The following MTUS2 variants were observed in gnomAD, a reference collection of about 807,000 sequenced individuals.
MTUS2 encodes microtubule-associated tumor suppressor candidate 2.
A neutral mutation model predicts 114.1 loss-of-function variants in MTUS2; 40 were observed. The ratio of observed to expected loss-of-function variants is 0.35; its 90% CI spans 0.27 to 0.46. The LOEUF (loss-of-function observed/expected upper bound fraction) is 0.46. MTUS2 is among the 20% of genes least tolerant of loss of function. The pLI, the probability that MTUS2 is intolerant of heterozygous loss-of-function variation, is 1.00. For missense variants in MTUS2, 1,679 were observed against 1,705.4 expected (o/e 0.98, Z 0.27); for synonymous variants, 688 against 672.0 (o/e 1.02, Z -0.37).
chr13:28,837,389 C>T (rs1267225381), intron 1 of MTUS2, among the ~76,000 whole-genome samples: 1 of 152,192 alleles, frequency 6.6e-6, no homozygotes, highest in African/African-American at 2.4e-5. Flanking sequence ...CTACCTCTTA[C>T]ATCAGCTTCC....
intron 5 of MTUS2, among the ~76,000 whole-genome samples, chr13:29,188,179 G>A (rs139870282): frequency 9.2e-5 from 14 of 152,180 alleles, no homozygotes; most frequent in African/African-American, 1.2e-4. Context: ...TTAATGTTGC[G>A]GCAACAAGGA....
chr13:29,031,237 G>GGTGTGTGTGTGTGT (rs59288953), intron 3 of MTUS2, among the ~76,000 whole-genome samples: 12,954 of 122,782 alleles, frequency 0.11, 855 homozygotes, highest in South Asian at 0.2. Context: ...AGAACTAATA[G>GGTGTGTGTGTGTGT]GTGTGTGTGT....
chr13:28,885,860 A>T (rs1878561484), intron 2 of MTUS2, among the ~76,000 whole-genome samples: 1 of 152,232 alleles, frequency 6.6e-6, no homozygotes, highest in Non-Finnish European at 1.5e-5. Context: ...ATATGTTAAG[A>T]TAGTGATAAG....
chr13:29,287,104 G>A (rs1375033013), intron 6 of MTUS2, among the ~76,000 whole-genome samples: 2 of 152,210 alleles, frequency 1.3e-5, no homozygotes, highest in African/African-American at 4.8e-5. Flanking sequence ...TACAGATGCA[G>A]CAAGTGAAAC....
At chr13:29,488,194 T>A in intron 11 of MTUS2, 189 bp downstream of exon 11, 1 of 589,454 alleles carries the variant, frequency 1.7e-6, no homozygotes, top group South Asian at 2.0e-5. Context: ...AGTTAGCTGC[T>A]TCTTTCCTCC....
chr13:28,837,021 T>C (rs998580550), intron 1 of MTUS2, among the ~76,000 whole-genome samples: 5 of 152,170 alleles, frequency 3.3e-5, no homozygotes, highest in African/African-American at 1.2e-4. Context: ...ACTCAGGCTG[T>C]TGCTATGAGG....
At chr13:29,316,215 A>G (rs1425322984) in intron 6 of MTUS2, among the ~76,000 whole-genome samples, 1 of 152,158 alleles carries the variant, frequency 6.6e-6, no homozygotes, top group Non-Finnish European at 1.5e-5. Flanking sequence ...TGAGAGTTTG[A>G]AGGAGACCTC....
intron 8 of MTUS2, among the ~76,000 whole-genome samples, chr13:29,428,111 C>G (rs1406663393): frequency 1.4e-4 from 22 of 152,098 alleles, no homozygotes; most frequent in Admixed American, 1.4e-3. Flanking sequence ...CAAGCGACTT[C>G]ACAGTTATAT....
At chr13:28,822,163 G>A (rs1325474168) in intron 1 of MTUS2, among the ~76,000 whole-genome samples, 1 of 152,166 alleles carries the variant, frequency 6.6e-6, no homozygotes, top group African/African-American at 2.4e-5. Context: ...AAGAAACCTG[G>A]CCTCTGAGTC....
At chr13:29,023,900 AATTTGAT>A (rs1886396323) in intron 2 of MTUS2, among the ~76,000 whole-genome samples, 1 of 152,162 alleles carries the variant, frequency 6.6e-6, no homozygotes, top group South Asian at 2.1e-4. Flanking sequence ...AGTGATGTTA[AATTTGAT>A]CACGTGGTTA....
chr13:29,151,345 G>GTTA (rs1268826466), intron 5 of MTUS2, among the ~76,000 whole-genome samples: 1 of 152,112 alleles, frequency 6.6e-6, no homozygotes, highest in African/African-American at 2.4e-5. Flanking sequence ...CAGCTCAAAT[G>GTTA]TTATTGATAT....
intron 2 of MTUS2, among the ~76,000 whole-genome samples, chr13:28,915,691 G>T (rs536217229): frequency 1.3e-5 from 2 of 151,910 alleles, no homozygotes; most frequent in Admixed American, 6.6e-5. Flanking sequence ...ATATATTCTG[G>T]TTATTAATCC....
intron 2 of MTUS2, among the ~76,000 whole-genome samples, chr13:28,912,566 T>C (rs566962280): frequency 8.6e-4 from 131 of 152,328 alleles, no homozygotes; most frequent in African/African-American, 3.1e-3. Context: ...AATGGTAGTT[T>C]AATGGGAATC....
In MTUS2 at chr13:29,298,846, A is replaced by T. The variant is rs535543950; in HGVS notation, c.2806+16981A>T. ...CTTGTTCGCTTGGGAGTGTTCAGGA[A>T]TCTCCCAGATTTGACACCAGAAGAG... On this transcript the variant is annotated intron_variant, in intron 6 of 15. Transcript: ENST00000612955. 6.6e-5 allele frequency among the ~76,000 whole-genome samples: 10 copies of T among 152,284 alleles called. No individual in the cohort carries two copies. The East Asian group carries it at 1.7e-3, about 26-fold the overall frequency.
intron 2 of MTUS2, among the ~76,000 whole-genome samples, chr13:28,947,292 G>A (rs1198536190): frequency 2.0e-5 from 3 of 152,198 alleles, no homozygotes; most frequent in Non-Finnish European, 4.4e-5. Flanking sequence ...CTTAGTAGGT[G>A]CTTTGTGATG....
In MTUS2 at chr13:29,119,902, A is replaced by G. The variant is rs1891236415; in HGVS notation, c.2644+18932A>G. On this transcript the variant is annotated intron_variant, in intron 5 of 15. Transcript: ENST00000612955. Reference sequence around the variant, plus strand: ...GATCAGTGAGTTTGACACAAAATTAACAATCACAAGAATATGTAAAGAACC... The same window carrying G: ...GATCAGTGAGTTTGACACAAAATTAGCAATCACAAGAATATGTAAAGAACC... 3.3e-5 allele frequency among the ~76,000 whole-genome samples: 5 copies of G among 152,336 alleles called. No homozygotes were observed. The South Asian group carries it at 1.0e-3, about 32-fold the overall frequency.
chr13:29,247,617 G>A (rs904938782), intron 5 of MTUS2, among the ~76,000 whole-genome samples: 1 of 152,072 alleles, frequency 6.6e-6, no homozygotes, highest in African/African-American at 2.4e-5. Flanking sequence ...CCCAAAAGAA[G>A]ATACGTAAAT....
chr13:29,402,548 G>A (rs1364410781), intron 8 of MTUS2, among the ~76,000 whole-genome samples: 1 of 152,140 alleles, frequency 6.6e-6, no homozygotes, highest in Non-Finnish European at 1.5e-5. Context: ...TCATGCCGAT[G>A]GCGGAGTTGC....
At chr13:29,375,632 TATATATACAC>T (rs1265723182) in intron 8 of MTUS2, among the ~76,000 whole-genome samples, 2 of 7,568 alleles carry the variant, frequency 2.6e-4, no homozygotes, top group Non-Finnish European at 6.5e-4. Context: ...TATATATATA[TATATATACAC>T]ACACCATGAA....
Sources: gnomAD v4.1 joint callset for allele counts (sites outside exome capture counted in the v4.1 genomes callset) on GRCh38, gnomAD v4.1.1 for gene constraint, MANE v1.5 for transcripts, NCBI Gene and HGNC (gene_info 2026-07-23, HGNC 2026-07-21) for gene names.